The following ACSS3 variants were observed in gnomAD, a reference collection of about 807,000 sequenced individuals.
ACSS3 encodes the protein acyl-CoA synthetase short chain family member 3, also known as acyl-CoA synthetase short-chain family member 3, mitochondrial.
In ACSS3, 64 loss-of-function variants were observed where a neutral mutation model predicts 84.2. The ratio of observed to expected loss-of-function variants is 0.76; its 90% CI spans 0.62 to 0.94. ACSS3 has a LOEUF of 0.94. Among genes scored for constraint, ACSS3 ranks in the 40% least tolerant of loss-of-function variants. ACSS3 has a pLI of 0.00. For synonymous variants in ACSS3, 317 were observed against 310.1 expected (o/e 1.02, Z -0.23); for missense variants, 815 against 867.6 (o/e 0.94, Z 0.76).
intron 9 of ACSS3, among the ~76,000 whole-genome samples, chr12:81,216,315 G>C (rs572628246): frequency 6.6e-6 from 1 of 151,620 alleles, no homozygotes. Context: ...TTGGAGGAGG[G>C]GGGAGGGATA....
chr12:81,189,441 A>G (rs1313146250), intron 8 of ACSS3, among the ~76,000 whole-genome samples: 2 of 152,120 alleles, frequency 1.3e-5, no homozygotes, highest in Admixed American at 6.6e-5. Flanking sequence ...TTTTCATGTC[A>G]AAGTTGTTAA....
chr12:81,126,951 AAGAT>A (rs1269373153), intron 2 of ACSS3, among the ~76,000 whole-genome samples: 3 of 151,924 alleles, frequency 2.0e-5, no homozygotes, highest in Non-Finnish European at 4.4e-5. Context: ...TTTTGAATGT[AAGAT>A]AGCGTTTTGT....
chr12:81,179,420 C>T (rs1264243805), intron 8 of ACSS3, among the ~76,000 whole-genome samples: 1 of 151,714 alleles, frequency 6.6e-6, no homozygotes, highest in Non-Finnish European at 1.5e-5. Flanking sequence ...ACAATATCTG[C>T]CAACTACGCG....
chr12:81,097,317 C>A (rs1014450804), intron 1 of ACSS3, among the ~76,000 whole-genome samples: 3 of 152,168 alleles, frequency 2.0e-5, no homozygotes, highest in African/African-American at 7.2e-5. Context: ...GCAAGAACAG[C>A]CACAGAGAAT....
rs114443770 is a variant in ACSS3, at chr12:81,087,419, G to A, written c.311+8988G>A. On this transcript the variant is annotated intron_variant, in intron 1 of 15. Coordinates refer to ENST00000548058, the MANE Select transcript of ACSS3 (RefSeq NM_024560.4). The stretch of plus-strand genomic sequence containing the variant: ...CAGGAGAAGAAGAAGAGCAGGAGGA[G>A]GAGGAAGGAGGAAAGAGGAAGAGAA... Among the ~76,000 whole-genome samples, 649 of 151,844 alleles carry A rather than the reference G, an allele frequency of 4.3e-3. 2 individuals carry two copies. Among genetic ancestry groups the A allele is most frequent in the African/African-American group, 0.015 (606 of 41,432 alleles).
chr12:81,109,158 AC>A (rs1292518722), intron 1 of ACSS3, among the ~76,000 whole-genome samples: 5 of 152,194 alleles, frequency 3.3e-5, no homozygotes, highest in African/African-American at 1.2e-4. Flanking sequence ...TGCAGCAGGT[AC>A]CAAAACTTCA....
intron 7 of ACSS3, among the ~76,000 whole-genome samples, chr12:81,171,496 T>A (rs1001139451): frequency 6.6e-6 from 1 of 152,142 alleles, no homozygotes; most frequent in Non-Finnish European, 1.5e-5. Context: ...TTCTGGGGAA[T>A]GGACAATAAA....
intron 1 of ACSS3, among the ~76,000 whole-genome samples, chr12:81,092,301 A>G (rs1881720675): frequency 6.6e-6 from 1 of 152,194 alleles, no homozygotes; most frequent in African/African-American, 2.4e-5. Context: ...CTAAAAAACA[A>G]TGTTACACAT....
intron 7 of ACSS3, among the ~76,000 whole-genome samples, chr12:81,156,012 C>T (rs562522897): frequency 3.9e-4 from 59 of 152,238 alleles, no homozygotes; most frequent in African/African-American, 1.4e-3. Context: ...GGCCACGAAA[C>T]AAACTTCAAC....
At chr12:81,252,281 AATAG>A (rs1375037019) in intron 13 of ACSS3, among the ~76,000 whole-genome samples, 3 of 152,146 alleles carry the variant, frequency 2.0e-5, no homozygotes, top group Non-Finnish European at 4.4e-5. Context: ...AGACATTTAG[AATAG>A]ATATTCATAA....
chr12:81,110,406 A>C (rs1317214711), intron 2 of ACSS3, among the ~76,000 whole-genome samples: 12 of 152,270 alleles, frequency 7.9e-5, no homozygotes. Flanking sequence ...TAGGTGGATC[A>C]TGATATTAAG....
Position 81,109,557 on chromosome 12 carries a change from C to T in ACSS3, c.312-3C>T, listed in dbSNP as rs780321014. On this transcript the variant is annotated splice_polypyrimidine_tract_variant and splice_region_variant and intron_variant, in intron 1 of 15. Coordinates refer to ENST00000548058, the MANE Select transcript of ACSS3 (RefSeq NM_024560.4). ...TCACCTTTACTTTCCAATTATTTTT[C>T]AGGTTTGTGGAAGGAATGCTTAACA... 12 of 1,599,176 alleles carry T rather than the reference C, an allele frequency of 7.5e-6. No homozygotes were observed. The South Asian group carries it at 1.1e-4, about 15-fold the overall frequency.
intron 13 of ACSS3, among the ~76,000 whole-genome samples, chr12:81,249,389 C>T (rs534040352): frequency 2.0e-5 from 3 of 151,988 alleles, no homozygotes; most frequent in Non-Finnish European, 4.4e-5. Flanking sequence ...CTTAAATAAT[C>T]CCACTAATAT....
intron 7 of ACSS3, among the ~76,000 whole-genome samples, chr12:81,166,629 A>G (rs1461450939): frequency 6.6e-6 from 1 of 152,230 alleles, no homozygotes; most frequent in African/African-American, 2.4e-5. Flanking sequence ...GCTACAGAGA[A>G]AAGACTGATA....
intron 9 of ACSS3, among the ~76,000 whole-genome samples, chr12:81,208,134 G>A (rs527537453): frequency 7.9e-5 from 12 of 152,044 alleles, no homozygotes; most frequent in Non-Finnish European, 1.3e-4. Context: ...TCAGAGGTGG[G>A]GAGAATGGTT....
rs555340553 is a variant in ACSS3, at chr12:81,216,774, T to C, written c.1355-127T>C. On this transcript the variant is annotated intron_variant, in intron 9 of 15. Transcript: ENST00000548058. ...AAATTTTTAAATAATATATTTGCACTATTCATCTATTCCTAACACAGCTGC... is the reference window on the plus strand; with the variant it reads ...AAATTTTTAAATAATATATTTGCACCATTCATCTATTCCTAACACAGCTGC... 29 of 569,350 alleles carry C rather than the reference T, an allele frequency of 5.1e-5. No homozygotes were observed. The East Asian group carries it at 9.4e-4, about 18-fold the overall frequency. 35.3% of individuals were successfully genotyped at this position (569,350 alleles called of 1,614,324 possible). A position where few individuals can be genotyped will look rare whatever the true frequency, so the allele number is the denominator to read the frequency against.
At chr12:81,254,054 A>T (rs1405083412) in intron 15 of ACSS3, among the ~76,000 whole-genome samples, 5 of 152,082 alleles carry the variant, frequency 3.3e-5, no homozygotes, top group Admixed American at 2.6e-4. Context: ...TCTCATAAGT[A>T]GTTGGGACTA....
chr12:81,171,478 G>A (rs1018256944), intron 7 of ACSS3, among the ~76,000 whole-genome samples: 1 of 151,980 alleles, frequency 6.6e-6, no homozygotes, highest in Non-Finnish European at 1.5e-5. Flanking sequence ...TCATAACATT[G>A]AATTATCTTC....
chr12:81,221,950 C>A (rs551804495), intron 11 of ACSS3, among the ~76,000 whole-genome samples: 18 of 152,178 alleles, frequency 1.2e-4, no homozygotes, highest in African/African-American at 4.3e-4. Context: ...GTTTTAAACT[C>A]CTCATGGGTT....
Sources: allele counts gnomAD v4.1 joint callset (sites outside exome capture counted in the v4.1 genomes callset), GRCh38; gene constraint gnomAD v4.1.1; transcripts MANE v1.5; gene names NCBI Gene and HGNC (gene_info 2026-07-23, HGNC 2026-07-21).